Variants in LRRC4C observed in about 807,000 individuals in gnomAD.
LRRC4C encodes leucine rich repeat containing 4C.
Under a neutral mutation model 33.6 loss-of-function variants are expected in LRRC4C, and 5 were observed. The observed-to-expected ratio is 0.15, with a 90% CI of 0.08 to 0.31. The LOEUF is 0.31. Among genes scored for constraint, LRRC4C ranks in the 10% least tolerant of loss-of-function variants. The pLI is 1.00. For synonymous variants in LRRC4C, 329 were observed against 302.0 expected (o/e 1.09, Z -0.93); for missense variants, 560 against 796.7 (o/e 0.70, Z 3.58).
Position 40,431,237 on chromosome 11 carries a change from G to C in LRRC4C, c.-269-111516C>G, listed in dbSNP as rs546419155. 5.3e-5 allele frequency among the ~76,000 whole-genome samples: 8 copies of C among 151,358 alleles called. No individual in the cohort carries two copies. In the East Asian group the frequency reaches 1.6e-3, roughly 29 times the overall value. On this transcript the variant is annotated intron_variant, in intron 3 of 6. Coordinates refer to ENST00000528697, the MANE Select transcript of LRRC4C (RefSeq NM_001258419.2). ...AGGTCAGGAGTTCAAGACCAGCCTGGCTAACATGGTGAAACACTGTCTCTA... is the reference window on the plus strand; with the variant it reads ...AGGTCAGGAGTTCAAGACCAGCCTGCCTAACATGGTGAAACACTGTCTCTA...
intron 3 of LRRC4C, among the ~76,000 whole-genome samples, chr11:40,334,759 T>C (rs905041754): frequency 2.6e-5 from 4 of 152,190 alleles, no homozygotes; most frequent in Admixed American, 6.5e-5. Context: ...AGAGTACCTA[T>C]CTCAAATTTT....
chr11:41,085,786 T>C (rs1273483970), intron 1 of LRRC4C, among the ~76,000 whole-genome samples: 1 of 152,096 alleles, frequency 6.6e-6, no homozygotes, highest in Admixed American at 6.6e-5. Flanking sequence ...AACAGATTAG[T>C]ACCAGACATG....
intron 3 of LRRC4C, among the ~76,000 whole-genome samples, chr11:40,438,722 TG>T (rs1951250862): frequency 6.6e-6 from 1 of 152,138 alleles, no homozygotes; most frequent in Admixed American, 6.5e-5. Flanking sequence ...CTTGCCTGAT[TG>T]GGGGATATTC....
At chr11:41,283,226 A>G (rs542760451) in intron 1 of LRRC4C, among the ~76,000 whole-genome samples, 9 of 152,342 alleles carry the variant, frequency 5.9e-5, no homozygotes, top group Non-Finnish European at 1.3e-4. Context: ...ATTTGAGCAG[A>G]TGGTCTGGAA....
At chr11:40,468,893 T>TA (rs151141100) in intron 3 of LRRC4C, among the ~76,000 whole-genome samples, 36 of 152,250 alleles carry the variant, frequency 2.4e-4, no homozygotes, top group African/African-American at 8.2e-4. Context: ...AAGATTAGAC[T>TA]AAAAAAAGTA....
intron 1 of LRRC4C, among the ~76,000 whole-genome samples, chr11:41,232,937 A>C (rs1947864394): frequency 6.6e-6 from 1 of 152,022 alleles, no homozygotes; most frequent in Non-Finnish European, 1.5e-5. Context: ...CATTGAATGA[A>C]CTCATGTTTT....
intron 3 of LRRC4C, among the ~76,000 whole-genome samples, chr11:40,329,784 C>T (rs1946274885): frequency 6.8e-6 from 1 of 147,764 alleles, no homozygotes; most frequent in South Asian, 2.1e-4. Context: ...ATCTGTCGCC[C>T]AGGCTGGAGT....
intron 5 of LRRC4C, among the ~76,000 whole-genome samples, chr11:40,209,287 T>C (rs1201983207): frequency 3.9e-5 from 6 of 152,140 alleles, no homozygotes; most frequent in Admixed American, 6.6e-5. Flanking sequence ...TTCAATTCAA[T>C]AAATATGCAG....
At chr11:41,428,323 G>C (rs1242223552) in intron 1 of LRRC4C, among the ~76,000 whole-genome samples, 1 of 151,930 alleles carries the variant, frequency 6.6e-6, no homozygotes, top group Non-Finnish European at 1.5e-5. Context: ...TGGGAGGTGA[G>C]AAAAAAGTAA....
intron 1 of LRRC4C, among the ~76,000 whole-genome samples, chr11:41,288,869 G>T (rs1005086941): frequency 6.6e-6 from 1 of 152,066 alleles, no homozygotes; most frequent in Non-Finnish European, 1.5e-5. Flanking sequence ...CAGCAGGAGA[G>T]TGTCTTGCTG....
At position 40,889,528 on chromosome 11, in the gene LRRC4C, A is replaced by G. The variant is rs1178936835; in HGVS notation, c.-407+44107T>C. On this transcript the variant is annotated intron_variant, in intron 2 of 6. Coordinates refer to ENST00000528697, the MANE Select transcript of LRRC4C (RefSeq NM_001258419.2). ...TAGAACAAAAACAGAGCCATTCTTGATTCAAGAAAATTAAACAAAAACAAA... is the reference window on the plus strand; with the variant it reads ...TAGAACAAAAACAGAGCCATTCTTGGTTCAAGAAAATTAAACAAAAACAAA... Among the ~76,000 whole-genome samples, 5 of 152,118 alleles carry G rather than the reference A, an allele frequency of 3.3e-5. 1 individual carries two copies. In the East Asian group the frequency reaches 9.6e-4, roughly 29 times the overall value.
At chr11:41,280,778 G>C (rs1382695315) in intron 1 of LRRC4C, among the ~76,000 whole-genome samples, 1 of 152,040 alleles carries the variant, frequency 6.6e-6, no homozygotes, top group African/African-American at 2.4e-5. Context: ...TTTTGAACTT[G>C]AGCATGAGAA....
intron 1 of LRRC4C, among the ~76,000 whole-genome samples, chr11:41,062,565 G>A (rs1024446843): frequency 2.6e-5 from 4 of 152,114 alleles, no homozygotes; most frequent in African/African-American, 9.7e-5. Context: ...AACTCTGCTA[G>A]GTAGCATGGG....
intron 2 of LRRC4C, among the ~76,000 whole-genome samples, chr11:40,799,721 G>A (rs973569102): frequency 1.3e-5 from 2 of 152,112 alleles, no homozygotes; most frequent in Admixed American, 1.3e-4. Context: ...CACCTGCCTC[G>A]GCCTCCCAAA....
intron 2 of LRRC4C, among the ~76,000 whole-genome samples, chr11:40,922,908 C>A (rs1957247040): frequency 6.6e-6 from 1 of 152,090 alleles, no homozygotes; most frequent in African/African-American, 2.4e-5. Flanking sequence ...TCACTGCAAC[C>A]TCCGCCTCCC....
At chr11:40,716,573 T>C (rs781548032) in intron 2 of LRRC4C, among the ~76,000 whole-genome samples, 7 of 152,124 alleles carry the variant, frequency 4.6e-5, no homozygotes, top group African/African-American at 9.7e-5. Flanking sequence ...GAACAGTACT[T>C]ACGACATTGC....
chr11:40,853,388 A>G (rs2135762089), intron 2 of LRRC4C, among the ~76,000 whole-genome samples: 1 of 148,624 alleles, frequency 6.7e-6, no homozygotes, highest in East Asian at 1.9e-4. Context: ...AAACAGAAAT[A>G]TATAAATGTA....
At chr11:40,931,369 T>G (rs1385846280) in intron 2 of LRRC4C, among the ~76,000 whole-genome samples, 1 of 152,190 alleles carries the variant, frequency 6.6e-6, no homozygotes, top group East Asian at 1.9e-4. Context: ...TGACTATTCG[T>G]TTATATAGTT....
chr11:40,376,774 G>A lies in LRRC4C; in HGVS notation c.-269-57053C>T, dbSNP rs115924211. On this transcript the variant is annotated intron_variant, in intron 3 of 6. Transcript: ENST00000528697. ...GTGTATGTGTATCTGGAGTGGGGGA[G>A]TTAAATGTGTCTACTACCTACATAG... is the stretch of plus-strand genomic sequence containing the variant. Among the ~76,000 whole-genome samples the A allele has an allele frequency of 5.7e-3, 870 of 151,984 alleles. 6 individuals carry two copies. The highest frequency in any genetic ancestry group is 0.02 in the African/African-American group (819 of 41,488).
Sources: gnomAD v4.1 joint callset for allele counts (sites outside exome capture counted in the v4.1 genomes callset) on GRCh38, gnomAD v4.1.1 for gene constraint, MANE v1.5 for transcripts, NCBI Gene and HGNC (gene_info 2026-07-23, HGNC 2026-07-21) for gene names.